The following SNTG2 variants were observed in gnomAD, a reference collection of about 807,000 sequenced individuals.
The protein encoded by SNTG2 is syntrophin gamma 2.
Under a neutral mutation model 70.9 loss-of-function variants are expected in SNTG2, and 74 were observed. The observed-to-expected ratio is 1.04, with a 90% confidence interval of 0.86 to 1.27. SNTG2 has a LOEUF of 1.27. Ranked by LOEUF, SNTG2 falls within the 50% of genes most tolerant of loss-of-function variation. SNTG2 has a pLI of 0.00. For synonymous variants in SNTG2, 278 were observed against 273.8 expected, an observed-to-expected ratio of 1.02 and a Z score of -0.15; for missense variants, 717 against 690.7, an observed-to-expected ratio of 1.04 and a Z score of -0.43.
chr2:1,221,847 GT>G (rs1674967725), intron 9 of SNTG2, among the ~76,000 whole-genome samples: 66 of 5,870 alleles, frequency 0.011, 30 homozygotes, highest in South Asian at 0.035. Flanking sequence ...CTCTGTCTCT[GT>G]CTCTGTCTCT....
In SNTG2 at chr2:1,027,575, G is replaced by C. The variant is rs1305921310; in HGVS notation, c.73-55943G>C. The stretch of plus-strand genomic sequence containing the variant: ...CTCTGTTGAGTAAAGAGATAAGCAG[G>C]TGCATCACTGAAGGTGCGTCTGGCC... On this transcript the variant is annotated intron_variant, in intron 1 of 16. Transcript: ENST00000308624. Among the ~76,000 whole-genome samples, 5 of 149,748 alleles carry C rather than the reference G, an allele frequency of 3.3e-5. 1 individual carries two copies. Among genetic ancestry groups the C allele is most frequent in the Non-Finnish European group, 4.4e-5 (3 of 67,574 alleles).
chr2:1,190,242 T>C (rs1004015559), intron 8 of SNTG2, among the ~76,000 whole-genome samples: 1 of 151,968 alleles, frequency 6.6e-6, no homozygotes, highest in African/African-American at 2.4e-5. Context: ...GACCCTTATA[T>C]AAAATGGTAT....
chr2:1,320,868 C>G (rs146211639), intron 16 of SNTG2, among the ~76,000 whole-genome samples: 1 of 152,034 alleles, frequency 6.6e-6, no homozygotes, highest in Non-Finnish European at 1.5e-5. Flanking sequence ...CCCAGGGAGG[C>G]CCCCCCATGT....
intron 1 of SNTG2, among the ~76,000 whole-genome samples, chr2:1,081,074 T>C (rs1664256538): frequency 6.6e-6 from 1 of 152,124 alleles, no homozygotes; most frequent in Non-Finnish European, 1.5e-5. Context: ...AGGGCCCTTC[T>C]CTTTTACGGC....
At chr2:1,356,189 G>A (rs1660844750) in intron 16 of SNTG2, among the ~76,000 whole-genome samples, 1 of 152,062 alleles carries the variant, frequency 6.6e-6, no homozygotes, top group Non-Finnish European at 1.5e-5. Flanking sequence ...CTTTTCAGTT[G>A]ACGTGGACCC....
At chr2:1,177,652 C>T (rs1285485775) in intron 8 of SNTG2, among the ~76,000 whole-genome samples, 1 of 151,920 alleles carries the variant, frequency 6.6e-6, no homozygotes, top group African/African-American at 2.4e-5. Context: ...TTCTATAATA[C>T]CCAGCAAACG....
chr2:1,223,742 C>T (rs116311147), intron 9 of SNTG2, among the ~76,000 whole-genome samples: 1 of 152,186 alleles, frequency 6.6e-6, no homozygotes, highest in African/African-American at 2.4e-5. Context: ...AGGCACGAGA[C>T]CTTCAGGGTG....
chr2:1,238,661 G>A (rs1005086011), intron 10 of SNTG2, among the ~76,000 whole-genome samples: 5 of 152,202 alleles, frequency 3.3e-5, no homozygotes, highest in African/African-American at 9.6e-5. Flanking sequence ...AGCCGTGGCC[G>A]CAGCCCTGGC....
At chr2:1,243,372 G>A (rs560851894) in intron 11 of SNTG2, among the ~76,000 whole-genome samples, 4 of 152,292 alleles carry the variant, frequency 2.6e-5, no homozygotes, top group African/African-American at 4.8e-5. Flanking sequence ...CTGGGTGCTC[G>A]GATTCCAGCT....
At chr2:1,126,883 A>G (rs912121391) in intron 4 of SNTG2, among the ~76,000 whole-genome samples, 2 of 152,158 alleles carry the variant, frequency 1.3e-5, no homozygotes, top group Non-Finnish European at 2.9e-5. Context: ...TGTCAAATGA[A>G]TAGTTTGAAA....
intron 16 of SNTG2, among the ~76,000 whole-genome samples, chr2:1,331,690 G>C (rs1659540488): frequency 1.3e-5 from 2 of 152,204 alleles, no homozygotes; most frequent in Admixed American, 6.5e-5. Context: ...GCTGTCAGTA[G>C]CTCACTTGAT....
chr2:1,367,510 T>C lies in SNTG2; in HGVS notation c.*36T>C, dbSNP rs1044447555. ...TGTTGAGTGCTGAAAAATTAAATTA[T>C]TTTCGTAAGAAATGATTCTTTCCTG... On this transcript the variant is annotated 3_prime_UTR_variant, in exon 17 of 17. Coordinates refer to ENST00000308624, the MANE Select transcript of SNTG2 (RefSeq NM_018968.4). 1 of 1,545,548 alleles carries C rather than the reference T, an allele frequency of 6.5e-7. No individual in the cohort carries two copies. The highest frequency in any genetic ancestry group is 8.7e-7 in the Non-Finnish European group (1 of 1,144,256).
intron 14 of SNTG2, 138 bp downstream of exon 14, chr2:1,267,709 G>A (rs1678821563): frequency 2.4e-6 from 2 of 822,462 alleles, no homozygotes; most frequent in South Asian, 1.7e-5. Context: ...GCTACTGTGT[G>A]GAAATGATCG....
chr2:1,281,388 GGTGTGTGTTTATGTGGTGTGTTGT>G (rs201691138), intron 14 of SNTG2, among the ~76,000 whole-genome samples: 4,055 of 46,508 alleles, frequency 0.087, 1 homozygote, highest in South Asian at 0.12. Context: ...TGTGGTGTGT[GGTGTGTGTTTATGTGGTGTGTTGT>G]GTGTGTGTGT....
At chr2:993,610 A>G (rs1661577406) in intron 1 of SNTG2, among the ~76,000 whole-genome samples, 1 of 152,158 alleles carries the variant, frequency 6.6e-6, no homozygotes, top group African/African-American at 2.4e-5. Context: ...TGATCATAAT[A>G]CTGGATCAAG....
At chr2:1,259,530 C>G in intron 13 of SNTG2, 89 bp downstream of exon 13, 2 of 1,055,372 alleles carry the variant, frequency 1.9e-6, no homozygotes, top group Non-Finnish European at 2.9e-6. Flanking sequence ...TCTGCGTGGT[C>G]CATTGAAATA....
At chr2:1,137,368 TATC>T (rs747302442) in intron 4 of SNTG2, among the ~76,000 whole-genome samples, 3 of 147,548 alleles carry the variant, frequency 2.0e-5, no homozygotes, top group Non-Finnish European at 4.5e-5. Context: ...GGCATGCACA[TATC>T]AACAGATCCA....
intron 1 of SNTG2, among the ~76,000 whole-genome samples, chr2:991,779 G>T (rs868665889): frequency 6.6e-6 from 1 of 152,162 alleles, no homozygotes; most frequent in South Asian, 2.1e-4. Context: ...CCTGAGACCA[G>T]GCAGCAGTGG....
intron 4 of SNTG2, among the ~76,000 whole-genome samples, chr2:1,126,344 C>T (rs1667697907): frequency 6.6e-6 from 1 of 152,222 alleles, no homozygotes; most frequent in African/African-American, 2.4e-5. Flanking sequence ...GAATAGTGCT[C>T]CACTGTGTAT....
Sources: gnomAD v4.1 joint callset for allele counts (sites outside exome capture counted in the v4.1 genomes callset) on GRCh38, gnomAD v4.1.1 for gene constraint, MANE v1.5 for transcripts, NCBI Gene and HGNC (gene_info 2026-07-23, HGNC 2026-07-21) for gene names.